PIBF1: variants seen among roughly 807,000 people sequenced by gnomAD.
The protein encoded by PIBF1 is progesterone-induced-blocking factor 1.
Under a neutral mutation model 112.5 loss-of-function variants are expected in PIBF1, and 90 were observed. The ratio of observed to expected loss-of-function variants is 0.80; its 90% CI spans 0.67 to 0.95. The LOEUF is 0.95. Ranked by LOEUF, PIBF1 falls within the 40% of genes least tolerant of loss-of-function variation. The pLI, the probability that PIBF1 is intolerant of heterozygous loss-of-function variation, is 0.00. For missense variants in PIBF1, 915 were observed against 852.3 expected (o/e 1.07, Z -0.92); for synonymous variants, 301 against 288.6 (o/e 1.04, Z -0.44).
chr13:73,005,212 T>C (rs1317694308), intron 17 of PIBF1, among the ~76,000 whole-genome samples: 2 of 151,960 alleles, frequency 1.3e-5, no homozygotes, highest in African/African-American at 4.8e-5. Flanking sequence ...ATAAATCTTA[T>C]GTTATATGTA....
chr13:72,917,366 G>A (rs2041139904), intron 13 of PIBF1, among the ~76,000 whole-genome samples, 200 bp downstream of exon 13: 1 of 151,884 alleles, frequency 6.6e-6, no homozygotes, highest in Non-Finnish European at 1.5e-5. Flanking sequence ...GTAGAAGTGT[G>A]CATAAGAATT....
Position 72,973,386 on chromosome 13 carries a change from G to A in PIBF1, c.1965-205G>A, listed in dbSNP as rs75888432. 6.4e-3 allele frequency among the ~76,000 whole-genome samples: 970 copies of A among 151,860 alleles called. 13 individuals carry two copies. The highest frequency in any genetic ancestry group is 0.022 in the African/African-American group (901 of 41,408). ...GGGAAGAAAGAAAAGAAAAAAGAAA[G>A]GAAAAGAAAAGAAAAAGATCTTCTG... On this transcript the variant is annotated intron_variant, in intron 15 of 17. Transcript: ENST00000326291.
chr13:72,802,465 G>T (rs2035532429), intron 5 of PIBF1, among the ~76,000 whole-genome samples: 1 of 152,078 alleles, frequency 6.6e-6, no homozygotes, highest in South Asian at 2.1e-4. Context: ...CAGGGGAAGT[G>T]GTAGATTCTG....
intron 10 of PIBF1, among the ~76,000 whole-genome samples, chr13:72,860,736 A>G (rs187245836): frequency 1.1e-4 from 16 of 152,324 alleles, no homozygotes; most frequent in Admixed American, 7.2e-4. Context: ...AGAGAAATGT[A>G]TGGAAACGGT....
intron 9 of PIBF1, chr13:72,836,135 C>A: frequency 2.2e-6 from 1 of 451,252 alleles, no homozygotes. Flanking sequence ...CATTTTTATT[C>A]ATGCAGTTAC....
chr13:72,931,314 T>G (rs2041690514), intron 14 of PIBF1, 47 bp downstream of exon 14: 2 of 1,121,284 alleles, frequency 1.8e-6, no homozygotes, highest in African/African-American at 3.1e-5. Context: ...GTATTCATTT[T>G]AATTGTTTGT....
intron 12 of PIBF1, among the ~76,000 whole-genome samples, chr13:72,912,952 T>A (rs1332058523): frequency 6.6e-6 from 1 of 151,760 alleles, no homozygotes. Flanking sequence ...AGTATGATTA[T>A]ACTGTATGAT....
chr13:72,986,262 A>G (rs781291726), intron 16 of PIBF1, among the ~76,000 whole-genome samples: 1 of 152,186 alleles, frequency 6.6e-6, no homozygotes, highest in African/African-American at 2.4e-5. Flanking sequence ...AGGGAAAGCA[A>G]TTGCACTTGG....
At chr13:72,918,203 A>C (rs1023280524) in intron 13 of PIBF1, among the ~76,000 whole-genome samples, 1 of 152,090 alleles carries the variant, frequency 6.6e-6, no homozygotes, top group Non-Finnish European at 1.5e-5. Flanking sequence ...ATGTAGCTCT[A>C]TCTCTCCAGC....
At chr13:72,825,938 A>G (rs932470755) in intron 6 of PIBF1, among the ~76,000 whole-genome samples, 12 of 151,348 alleles carry the variant, frequency 7.9e-5, no homozygotes, top group East Asian at 1.9e-4. Context: ...ACATGGTGGC[A>G]TGCACCTGTA....
chr13:72,948,744 T>TG, intron 14 of PIBF1, among the ~76,000 whole-genome samples: 1 of 152,136 alleles, frequency 6.6e-6, no homozygotes, highest in Non-Finnish European at 1.5e-5. Flanking sequence ...ACAATCATGG[T>TG]GGAAGGGTAA....
intron 10 of PIBF1, among the ~76,000 whole-genome samples, chr13:72,854,732 T>C (rs1955666122): frequency 6.6e-6 from 1 of 152,182 alleles, no homozygotes; most frequent in Non-Finnish European, 1.5e-5. Context: ...AGTGGCATTG[T>C]TCATCATTGG....
intron 8 of PIBF1, among the ~76,000 whole-genome samples, chr13:72,832,938 C>CGTGAAA (rs2037191370): frequency 6.6e-6 from 1 of 152,108 alleles, no homozygotes; most frequent in Non-Finnish European, 1.5e-5. Flanking sequence ...CACGTAGTCC[C>CGTGAAA]GTATTTCTTG....
intron 14 of PIBF1, among the ~76,000 whole-genome samples, chr13:72,961,997 C>T (rs1268516933): frequency 2.6e-5 from 4 of 151,840 alleles, no homozygotes; most frequent in Non-Finnish European, 5.9e-5. Flanking sequence ...CAAATACTAA[C>T]TTAAGAAAAA....
At chr13:72,915,751 G>A (rs1003229637) in intron 12 of PIBF1, among the ~76,000 whole-genome samples, 1 of 152,124 alleles carries the variant, frequency 6.6e-6, no homozygotes, top group African/African-American at 2.4e-5. Context: ...TCCTCAGAAA[G>A]CTAATCCTGA....
At chr13:72,783,743 G>T (rs754313741) in intron 2 of PIBF1, 22 bp downstream of exon 2, 14 of 1,607,014 alleles carry the variant, frequency 8.7e-6, no homozygotes, top group Admixed American at 1.7e-5. Context: ...TTTAAATTTT[G>T]TGTTCTATAT....
intron 14 of PIBF1, among the ~76,000 whole-genome samples, chr13:72,937,422 A>C (rs1426281587): frequency 1.3e-5 from 2 of 152,230 alleles, no homozygotes; most frequent in Non-Finnish European, 2.9e-5. Context: ...ACCTTACAAC[A>C]GTATTCTTCT....
intron 10 of PIBF1, among the ~76,000 whole-genome samples, chr13:72,854,528 T>C (rs1192090102): frequency 3.3e-5 from 5 of 152,210 alleles, no homozygotes; most frequent in African/African-American, 1.2e-4. Context: ...AAAAATACTC[T>C]TGTGTCCAGG....
chr13:72,968,362 G>A lies in PIBF1; in HGVS notation c.1964+2958G>A, dbSNP rs374529894. 4.0e-5 allele frequency among the ~76,000 whole-genome samples: 6 copies of A among 150,972 alleles called. No homozygotes were observed. The East Asian group carries it at 8.0e-4, about 20-fold the overall frequency. On this transcript the variant is annotated intron_variant, in intron 15 of 17. Coordinates refer to ENST00000326291, the MANE Select transcript of PIBF1 (RefSeq NM_006346.4). ...GTCACCCAGACTGGAGTGCAATGGC[G>A]CGATCTCGGCTCACTGCAACCTCCA...
Sources: allele counts gnomAD v4.1 joint callset (sites outside exome capture counted in the v4.1 genomes callset), GRCh38; gene constraint gnomAD v4.1.1; transcripts MANE v1.5; gene names NCBI Gene and HGNC (gene_info 2026-07-23, HGNC 2026-07-21).